The following PDS5A variants were observed in gnomAD, a reference collection of about 807,000 sequenced individuals.
PDS5A encodes PDS5 cohesin associated factor A.
A neutral mutation model predicts 167.1 loss-of-function variants in PDS5A; 42 were observed. That is an observed-to-expected ratio of 0.25 (90% CI 0.20 to 0.33). The LOEUF (loss-of-function observed/expected upper bound fraction) is 0.33, where lower values mean the gene tolerates loss of function less well. PDS5A is among the 10% of genes least tolerant of loss of function. The pLI is 1.00. For synonymous variants in PDS5A, 553 were observed against 554.6 expected, an observed-to-expected ratio of 1.00 and a Z score of 0.04; for missense variants, 1,033 against 1,605.9, an observed-to-expected ratio of 0.64 and a Z score of 6.10.
In PDS5A at chr4:39,845,874, A is replaced by G; in HGVS notation, c.3346T>C (p.Cys1116Arg). 2.2e-6 allele frequency: 3 copies of G among 1,365,052 alleles called. No homozygotes were observed. Among genetic ancestry groups the G allele is most frequent in the Non-Finnish European group, 2.9e-6 (3 of 1,047,114 alleles). The allele number at this position is 1,365,052 out of a possible 1,614,324, so 84.6% of individuals were successfully genotyped here. Residue 1116 changes from cysteine (C) to arginine (R), a missense_variant, in exon 29 of 33, where the codon TGT (cysteine) becomes CGT (arginine). Coordinates refer to ENST00000303538, the MANE Select transcript of PDS5A (RefSeq NM_001100399.2). ...KFFTQPEKDF[C>R]NDKSYISEET... ...TCTGAAATATAACTCTTATCGTTAC[A>G]GAAGTCCTATTAAAAAAAAAAAAGA...
intron 2 of PDS5A, among the ~76,000 whole-genome samples, chr4:39,930,354 A>C (rs1327562777): frequency 6.7e-6 from 1 of 149,164 alleles, no homozygotes; most frequent in Non-Finnish European, 1.5e-5. Flanking sequence ...CAGCCTCCCA[A>C]AGTGTTGGGA....
intron 2 of PDS5A, among the ~76,000 whole-genome samples, chr4:39,961,389 C>A (rs994469920): frequency 6.6e-6 from 1 of 151,984 alleles, no homozygotes; most frequent in African/African-American, 2.4e-5. Flanking sequence ...TCAGCCTCCT[C>A]AGTAGCTGGG....
At chr4:39,830,082 A>G (rs1715716894) in intron 32 of PDS5A, among the ~76,000 whole-genome samples, 1 of 151,934 alleles carries the variant, frequency 6.6e-6, no homozygotes, top group Admixed American at 6.6e-5. Context: ...GCACTAGCCA[A>G]GTGACCTGAG....
At chr4:39,883,618 G>A (rs2109600141) in intron 17 of PDS5A, among the ~76,000 whole-genome samples, 1 of 152,182 alleles carries the variant, frequency 6.6e-6, no homozygotes, top group South Asian at 2.1e-4. Flanking sequence ...CTCAAACTCT[G>A]ACTTTAGCCC....
At chr4:39,838,240 A>G in intron 31 of PDS5A, 32 bp from the exon 32 acceptor site, 1 of 1,336,900 alleles carries the variant, frequency 7.5e-7, no homozygotes, top group South Asian at 1.5e-5. Flanking sequence ...CTATAAACAC[A>G]AATTCCTTAA....
intron 23 of PDS5A, among the ~76,000 whole-genome samples, chr4:39,864,763 T>G (rs2109551863): frequency 6.6e-6 from 1 of 152,338 alleles, no homozygotes; most frequent in African/African-American, 2.4e-5. Context: ...CAGGCAGGTG[T>G]GAAAAACACT....
chr4:39,928,224 G>A (rs1725637356), intron 2 of PDS5A, 60 bp from the exon 3 acceptor site: 4 of 1,148,126 alleles, frequency 3.5e-6, no homozygotes, highest in Non-Finnish European at 3.7e-6. Flanking sequence ...ATCAGTGGAG[G>A]ATGTGATTTA....
At chr4:39,955,922 C>G (rs1728882252) in intron 2 of PDS5A, among the ~76,000 whole-genome samples, 1 of 152,018 alleles carries the variant, frequency 6.6e-6, no homozygotes, top group Admixed American at 6.6e-5. Context: ...CGAGACCAGC[C>G]TGGCCAACAT....
In PDS5A at chr4:39,899,304, C is replaced by G. The variant is rs958546355; in HGVS notation, c.1582-479G>C. Reference sequence around the variant, plus strand: ...AAAACCTCCTTTCTAAAACGTACTTCCCTTTCCTGTATCCCATAAAACATT... The same window carrying G: ...AAAACCTCCTTTCTAAAACGTACTTGCCTTTCCTGTATCCCATAAAACATT... On this transcript the variant is annotated intron_variant, in intron 14 of 32. Coordinates refer to ENST00000303538, the MANE Select transcript of PDS5A (RefSeq NM_001100399.2). 7.2e-5 allele frequency among the ~76,000 whole-genome samples: 11 copies of G among 152,240 alleles called. No individual in the cohort carries two copies. In the South Asian group the frequency reaches 8.3e-4, roughly 11 times the overall value.
At chr4:39,909,565 G>C (rs1015247664) in intron 10 of PDS5A, among the ~76,000 whole-genome samples, 2 of 152,164 alleles carry the variant, frequency 1.3e-5, no homozygotes, top group Non-Finnish European at 2.9e-5. Context: ...TGGCAATTTA[G>C]CTGACAGGTA....
chr4:39,866,074 G>T (rs1294372543), intron 23 of PDS5A, among the ~76,000 whole-genome samples: 1 of 152,100 alleles, frequency 6.6e-6, no homozygotes, highest in Non-Finnish European at 1.5e-5. Context: ...CAACAAGAAG[G>T]CTTCAACTCT....
intron 2 of PDS5A, among the ~76,000 whole-genome samples, chr4:39,975,063 C>T (rs1412877586): frequency 6.8e-6 from 1 of 147,510 alleles, no homozygotes; most frequent in Non-Finnish European, 1.5e-5. Flanking sequence ...GGCCGAGACG[C>T]GCCACTGCAC....
chr4:39,907,730 G>A (rs984196440), intron 11 of PDS5A, among the ~76,000 whole-genome samples: 3 of 152,074 alleles, frequency 2.0e-5, no homozygotes, highest in African/African-American at 7.2e-5. Flanking sequence ...GGGCCTACAG[G>A]TGCCCGCCAC....
intron 2 of PDS5A, among the ~76,000 whole-genome samples, chr4:39,955,386 G>A (rs1003892132): frequency 2.0e-5 from 3 of 152,126 alleles, no homozygotes; most frequent in Admixed American, 2.0e-4. Flanking sequence ...CAGATCACCT[G>A]AAATCAGGAG....
chr4:39,911,930 T>G (rs578010289), intron 9 of PDS5A, among the ~76,000 whole-genome samples: 3 of 152,192 alleles, frequency 2.0e-5, no homozygotes, highest in South Asian at 2.1e-4. Flanking sequence ...AATATACTGA[T>G]TAATGATAAA....
chr4:39,898,882 C>A, intron 14 of PDS5A, 57 bp from the exon 15 acceptor site: 1 of 1,163,172 alleles, frequency 8.6e-7, no homozygotes, highest in South Asian at 1.4e-5. Flanking sequence ...ACAAATTTCC[C>A]TAACAAAAAT....
At chr4:39,976,302 T>G (rs1454970524) in intron 2 of PDS5A, 138 bp downstream of exon 2, 1 of 578,324 alleles carries the variant, frequency 1.7e-6, no homozygotes, top group African/African-American at 1.8e-5. Context: ...AGATGTTATC[T>G]GAGATACAAC....
chr4:39,948,393 C>T (rs1290254178), intron 2 of PDS5A, among the ~76,000 whole-genome samples: 1 of 142,734 alleles, frequency 7.0e-6, no homozygotes, highest in South Asian at 2.2e-4. Flanking sequence ...CCTCGGCTCA[C>T]TGCATTACTG....
chr4:39,928,899 G>A (rs1725709454), intron 2 of PDS5A, among the ~76,000 whole-genome samples: 1 of 149,856 alleles, frequency 6.7e-6, no homozygotes, highest in Admixed American at 6.7e-5. Flanking sequence ...TAATTAACCT[G>A]CTTTTATGGT....
Sources: gnomAD v4.1 joint callset for allele counts (sites outside exome capture counted in the v4.1 genomes callset) on GRCh38, gnomAD v4.1.1 for gene constraint, MANE v1.5 for transcripts, NCBI Gene and HGNC (gene_info 2026-07-23, HGNC 2026-07-21) for gene names.